CACNB4: variants seen among roughly 807,000 people sequenced by gnomAD.
The protein encoded by CACNB4 is voltage-dependent L-type calcium channel subunit beta-4.
CACNB4 carries 32 observed loss-of-function variants against 71.2 expected under a neutral mutation model. The observed-to-expected ratio is 0.45, with a 90% CI of 0.34 to 0.60. The LOEUF (loss-of-function observed/expected upper bound fraction) is 0.60, where lower values mean the gene tolerates loss of function less well. Among genes scored for constraint, CACNB4 ranks in the 20% least tolerant of loss-of-function variants. The pLI is 0.01. For missense variants in CACNB4, 464 were observed against 647.9 expected (o/e 0.72, Z 3.08); for synonymous variants, 231 against 236.9 (o/e 0.97, Z 0.23).
chr2:151,880,502 C>G (rs139072741), intron 4 of CACNB4: 1 of 388,258 alleles, frequency 2.6e-6, no homozygotes, highest in Non-Finnish European at 4.7e-6. Context: ...ATATTTATGG[C>G]TCTGCAGTCA....
chr2:151,857,456 T>C (rs2099840591), intron 10 of CACNB4: 1 of 152,254 alleles, frequency 6.6e-6, no homozygotes, highest in Non-Finnish European at 1.5e-5. Flanking sequence ...CATTTGTTAG[T>C]AATGTAGCAT....
intron 2 of CACNB4, among the ~76,000 whole-genome samples, chr2:151,895,094 CCCCACACA>C (rs1407728915): frequency 0.032 from 4,197 of 132,786 alleles, 248 homozygotes; most frequent in East Asian, 0.072. Context: ...ACTCAAATAG[CCCCACACA>C]CACACACACA....
At chr2:152,099,078 C>G, upstream of CACNB4, 2 of 1,123,474 alleles carry the variant, frequency 1.8e-6, no homozygotes, top group East Asian at 3.0e-5. Flanking sequence ...CGAGGCTGGG[C>G]TGCGGACGGA....
At chr2:151,853,022 T>C (rs538246804) in intron 12 of CACNB4, 3 of 166,310 alleles carry the variant, frequency 1.8e-5, no homozygotes, top group Non-Finnish European at 3.8e-5. Context: ...ACAGGGCCTC[T>C]CTAGTTCCAA....
At chr2:151,876,090 C>G (rs112432806) in intron 5 of CACNB4, among the ~76,000 whole-genome samples, 2 of 152,044 alleles carry the variant, frequency 1.3e-5, no homozygotes, top group African/African-American at 4.8e-5. Context: ...TCTCTGTAAG[C>G]GAACCAAGAG....
intron 2 of CACNB4, among the ~76,000 whole-genome samples, chr2:152,010,195 C>T (rs1245736624): frequency 6.6e-6 from 1 of 152,146 alleles, no homozygotes; most frequent in African/African-American, 2.4e-5. Context: ...TTGTTGATAT[C>T]AAAATGTAGA....
intron 2 of CACNB4, among the ~76,000 whole-genome samples, chr2:151,950,268 T>C (rs963630307): frequency 6.6e-6 from 1 of 152,156 alleles, no homozygotes; most frequent in Non-Finnish European, 1.5e-5. Context: ...GGCATCCTAA[T>C]GTACATTTTT....
rs117882001 is a variant in CACNB4 at position 152,059,274 on chromosome 2, C to T, written c.147+39056G>A. On this transcript the variant is annotated intron_variant, in intron 2 of 13. Transcript: ENST00000539935. ...GACCCCAGAATGACAGATCCACTGA[C>T]AGCCTGCACTGTGTGTGTGCCTGGA... Among the ~76,000 whole-genome samples, 850 of 152,332 alleles carry T rather than the reference C, an allele frequency of 5.6e-3. 27 individuals carry two copies. The East Asian group carries it at 0.09, about 16-fold the overall frequency.
At chr2:151,982,408 C>T (rs2099874878) in intron 2 of CACNB4, among the ~76,000 whole-genome samples, 2 of 151,968 alleles carry the variant, frequency 1.3e-5, no homozygotes, top group South Asian at 4.2e-4. Context: ...CCAAGGCGGG[C>T]AGATCACGAG....
At chr2:151,930,402 TA>T (rs1423164121) in intron 2 of CACNB4, among the ~76,000 whole-genome samples, 3 of 152,064 alleles carry the variant, frequency 2.0e-5, no homozygotes, top group Non-Finnish European at 4.4e-5. Context: ...TATATAAAAC[TA>T]AAATTTTTTG....
chr2:152,027,846 C>T (rs1684059597), intron 2 of CACNB4, among the ~76,000 whole-genome samples: 1 of 115,158 alleles, frequency 8.7e-6, no homozygotes, highest in African/African-American at 3.4e-5. Flanking sequence ...GAGTGAGACT[C>T]CGTCTCAAAA....
At chr2:151,924,612 A>G (rs574635234) in intron 2 of CACNB4, among the ~76,000 whole-genome samples, 6 of 152,114 alleles carry the variant, frequency 3.9e-5, no homozygotes, top group Non-Finnish European at 7.4e-5. Context: ...AAAAGTTGTA[A>G]TATGATGAAG....
intron 2 of CACNB4, among the ~76,000 whole-genome samples, chr2:152,075,074 A>T (rs1686935857): frequency 6.6e-6 from 1 of 152,226 alleles, no homozygotes; most frequent in Non-Finnish European, 1.5e-5. Flanking sequence ...TGAAAAGAAG[A>T]GCTACAGTGA....
At chr2:151,885,960 A>G (rs111832400) in intron 2 of CACNB4, among the ~76,000 whole-genome samples, 6 of 152,126 alleles carry the variant, frequency 3.9e-5, no homozygotes, top group African/African-American at 1.2e-4. Context: ...AAAAAACACA[A>G]TGTTTCAATT....
intron 2 of CACNB4, among the ~76,000 whole-genome samples, chr2:152,015,991 C>CT (rs1484768111): frequency 6.6e-6 from 1 of 151,980 alleles, no homozygotes; most frequent in Non-Finnish European, 1.5e-5. Context: ...TACGCAAAAG[C>CT]TTTTTTTTGT....
At chr2:151,997,547 C>T (rs561306169) in intron 2 of CACNB4, among the ~76,000 whole-genome samples, 5 of 150,704 alleles carry the variant, frequency 3.3e-5, no homozygotes, top group Non-Finnish European at 7.4e-5. Context: ...AAAAAAGAGA[C>T]GAAGGGGACA....
intron 2 of CACNB4, among the ~76,000 whole-genome samples, chr2:151,923,321 T>C (rs919944626): frequency 6.6e-6 from 1 of 152,246 alleles, no homozygotes; most frequent in African/African-American, 2.4e-5. Flanking sequence ...GCCCTCTCAG[T>C]TGCATAGGGC....
intron 2 of CACNB4, chr2:151,970,181 G>A (rs1273680403): frequency 6.6e-6 from 1 of 152,204 alleles, no homozygotes; most frequent in Non-Finnish European, 1.5e-5. Flanking sequence ...AGTGTCTCCT[G>A]TGCAGGCCAG....
chr2:152,091,999 C>T (rs1201251330), intron 2 of CACNB4, among the ~76,000 whole-genome samples: 5 of 152,164 alleles, frequency 3.3e-5, no homozygotes, highest in African/African-American at 1.2e-4. Context: ...TCCATATGTC[C>T]TTGCATGTAT....
Sources: allele counts gnomAD v4.1 joint callset (sites outside exome capture counted in the v4.1 genomes callset), GRCh38; gene constraint gnomAD v4.1.1; transcripts MANE v1.5; gene names NCBI Gene and HGNC (gene_info 2026-07-23, HGNC 2026-07-21).